CDK6: variants seen among roughly 807,000 people sequenced by gnomAD.
The protein encoded by CDK6 is cyclin dependent kinase 6, also known as cyclin-dependent kinase 6.
In CDK6, 6 loss-of-function variants were observed where a neutral mutation model predicts 37.1. The observed-to-expected ratio is 0.16, with a 90% CI of 0.09 to 0.32. CDK6 has a LOEUF of 0.32. Among genes scored for constraint, CDK6 ranks in the 10% least tolerant of loss-of-function variants. The pLI, the probability that CDK6 is intolerant of heterozygous loss-of-function variation, is 1.00. For missense variants in CDK6, 224 were observed against 418.9 expected, an observed-to-expected ratio of 0.53 and a Z score of 4.06; for synonymous variants, 160 against 161.3, an observed-to-expected ratio of 0.99 and a Z score of 0.06.
At chr7:92,718,395 T>C (rs914884222) in intron 4 of CDK6, among the ~76,000 whole-genome samples, 8 of 152,142 alleles carry the variant, frequency 5.3e-5, no homozygotes, top group African/African-American at 1.7e-4. Flanking sequence ...GAGGCTTCTG[T>C]GGGAGCTACT....
intron 2 of CDK6, among the ~76,000 whole-genome samples, chr7:92,801,857 A>G (rs184669997): frequency 2.6e-5 from 4 of 151,954 alleles, no homozygotes; most frequent in Admixed American, 1.3e-4. Flanking sequence ...CCTGACCACA[A>G]GTGATCCACC....
At chr7:92,661,226 C>T (rs1389549450) in intron 5 of CDK6, among the ~76,000 whole-genome samples, 1 of 152,186 alleles carries the variant, frequency 6.6e-6, no homozygotes, top group Non-Finnish European at 1.5e-5. Flanking sequence ...GTCAAATAAT[C>T]CTGGTTCAAA....
chr7:92,818,579 A>T (rs1440251744), intron 2 of CDK6, among the ~76,000 whole-genome samples: 2 of 151,980 alleles, frequency 1.3e-5, no homozygotes, highest in African/African-American at 4.8e-5. Flanking sequence ...AAGCTATCAA[A>T]GAAAAAAAAA....
At chr7:92,702,677 T>C (rs187996761) in intron 4 of CDK6, among the ~76,000 whole-genome samples, 1 of 152,320 alleles carries the variant, frequency 6.6e-6, no homozygotes, top group African/African-American at 2.4e-5. Flanking sequence ...TCAAACCTTG[T>C]TTCTCCTCCA....
intron 4 of CDK6, among the ~76,000 whole-genome samples, chr7:92,688,534 T>C (rs1337108982): frequency 2.6e-5 from 4 of 151,424 alleles, no homozygotes; most frequent in African/African-American, 7.3e-5. Context: ...CCCAACTCTT[T>C]AAGCATCTGT....
Position 92,750,194 on chromosome 7 carries a change from G to A in CDK6, c.370-24401C>T, listed in dbSNP as rs573725245. 3.2e-4 allele frequency among the ~76,000 whole-genome samples: 48 copies of A among 152,188 alleles called. No individual in the cohort carries two copies. The South Asian group carries it at 9.6e-3, about 30-fold the overall frequency. ...TTATATGGCTTTTGGAAAGTCCACC[G>A]AACTAGAATAATAGGAACTTGGTTA... On this transcript the variant is annotated intron_variant, in intron 3 of 7. Coordinates refer to ENST00000424848, the MANE Select transcript of CDK6 (RefSeq NM_001145306.2).
At chr7:92,686,610 T>A (rs1797461372) in intron 4 of CDK6, among the ~76,000 whole-genome samples, 1 of 152,148 alleles carries the variant, frequency 6.6e-6, no homozygotes, top group Non-Finnish European at 1.5e-5. Context: ...CAAGTATTTT[T>A]TTCGTACAAC....
At chr7:92,676,846 C>A (rs1195512598) in intron 4 of CDK6, among the ~76,000 whole-genome samples, 1 of 151,682 alleles carries the variant, frequency 6.6e-6, no homozygotes, top group Non-Finnish European at 1.5e-5. Context: ...GTAGTCCCAG[C>A]TACTGGGGAG....
chr7:92,653,038 G>A (rs1796611757), intron 5 of CDK6, among the ~76,000 whole-genome samples: 1 of 152,162 alleles, frequency 6.6e-6, no homozygotes, highest in South Asian at 2.1e-4. Context: ...TCTGGCTTTG[G>A]TTCAACAAGA....
intron 5 of CDK6, among the ~76,000 whole-genome samples, chr7:92,641,268 T>C (rs1796298778): frequency 6.6e-6 from 1 of 152,232 alleles, no homozygotes; most frequent in Non-Finnish European, 1.5e-5. Flanking sequence ...TTGATGATTT[T>C]CTAACTCCAT....
intron 3 of CDK6, among the ~76,000 whole-genome samples, chr7:92,749,266 G>A (rs553066236): frequency 5.9e-5 from 9 of 151,636 alleles, no homozygotes; most frequent in African/African-American, 1.9e-4. Flanking sequence ...CCTAGGCCCA[G>A]GAGTTTGAAA....
intron 2 of CDK6, among the ~76,000 whole-genome samples, chr7:92,813,972 T>C (rs1800955773): frequency 1.3e-5 from 2 of 152,226 alleles, no homozygotes; most frequent in Admixed American, 6.5e-5. Flanking sequence ...TCCCGCAAGC[T>C]TCAATTAAGC....
rs1584132973 is a variant in CDK6 at position 92,833,354 on chromosome 7, CT to C, written c.-32del. ...CTGGACGCCGCCCGCCGCGGCGCCG[CT>C]GGGGCGGGCGGGGGGTGCGCTCAAC... On this transcript the variant is annotated 5_prime_UTR_variant, in exon 2 of 8. Transcript: ENST00000424848. This position sits in a 1 kb window ranked among gnomAD's most constrained non-coding sequence, Gnocchi z 6.1. 2.0e-6 allele frequency: 3 copies of C among 1,503,644 alleles called. No homozygotes were observed. Among genetic ancestry groups the C allele is most frequent in the South Asian group, 1.2e-5 (1 of 82,978 alleles). 93.1% of individuals were successfully genotyped at this position (1,503,644 alleles called of 1,614,324 possible). A position where few individuals can be genotyped will look rare whatever the true frequency, so the allele number is the denominator to read the frequency against.
intron 4 of CDK6, among the ~76,000 whole-genome samples, chr7:92,709,715 A>C (rs1224958970): frequency 6.6e-6 from 1 of 152,216 alleles, no homozygotes; most frequent in Non-Finnish European, 1.5e-5. Flanking sequence ...TTAGTTTAAC[A>C]TAATTTTTCT....
intron 2 of CDK6, among the ~76,000 whole-genome samples, chr7:92,830,587 T>TC (rs1255062844): frequency 2.0e-5 from 3 of 152,208 alleles, no homozygotes; most frequent in Non-Finnish European, 2.9e-5. Context: ...CTGTCAACTG[T>TC]CCTTATTTCC....
chr7:92,781,945 T>C (rs1385903211), intron 2 of CDK6, among the ~76,000 whole-genome samples: 2 of 152,214 alleles, frequency 1.3e-5, no homozygotes, highest in Non-Finnish European at 2.9e-5. Context: ...GTATTCTCTT[T>C]TTTGCTCATT....
intron 3 of CDK6, among the ~76,000 whole-genome samples, chr7:92,767,832 A>G (rs887532336): frequency 6.6e-6 from 1 of 152,116 alleles, no homozygotes; most frequent in African/African-American, 2.4e-5. Context: ...GAGTCAAAAG[A>G]CTATATTAAA....
intron 3 of CDK6, among the ~76,000 whole-genome samples, chr7:92,742,240 CTAAG>C (rs1273415976): frequency 6.6e-6 from 1 of 152,192 alleles, no homozygotes; most frequent in Non-Finnish European, 1.5e-5. Flanking sequence ...GGTAAATACC[CTAAG>C]TAAGAAGTTT....
chr7:92,696,586 TG>T (rs2116651962), intron 4 of CDK6, among the ~76,000 whole-genome samples: 1 of 152,326 alleles, frequency 6.6e-6, no homozygotes, highest in South Asian at 2.1e-4. Context: ...TTGAAAAAAC[TG>T]GTTTGATATG....
Sources: gnomAD v4.1 joint callset for allele counts (sites outside exome capture counted in the v4.1 genomes callset) on GRCh38, gnomAD v4.1.1 for gene constraint, Gnocchi (gnomAD v3.1) non-coding constraint, MANE v1.5 for transcripts, NCBI Gene and HGNC (gene_info 2026-07-23, HGNC 2026-07-21) for gene names.